DAB1: variants seen among roughly 807,000 people sequenced by gnomAD.
The protein encoded by DAB1 is DAB adaptor protein 1, also known as disabled homolog 1.
DAB1 carries 15 observed loss-of-function variants against 64.6 expected under a neutral mutation model. That is an observed-to-expected ratio of 0.23 (90% confidence interval 0.16 to 0.36). DAB1 has a LOEUF of 0.36. DAB1 is among the 10% of genes least tolerant of loss of function. The pLI is 1.00. For missense variants in DAB1, 596 were observed against 706.7 expected (o/e 0.84, Z 1.78); for synonymous variants, 235 against 251.9 (o/e 0.93, Z 0.64).
chr1:58,196,842 GA>G (rs972024414), intron 4 of DAB1, among the ~76,000 whole-genome samples: 1 of 152,136 alleles, frequency 6.6e-6, no homozygotes, highest in Non-Finnish European at 1.5e-5. Flanking sequence ...TACAATTTGC[GA>G]TGAGATTTGG....
At chr1:57,144,135 A>G (rs919572953) in intron 3 of DAB1, among the ~76,000 whole-genome samples, 24 of 151,908 alleles carry the variant, frequency 1.6e-4, no homozygotes, top group Non-Finnish European at 3.2e-4. Flanking sequence ...GGGATTGTGG[A>G]TTATTTCAGT....
Position 56,996,630 on chromosome 1 carries a change from C to T in DAB1, c.*1514G>A, listed in dbSNP as rs571873559. On this transcript the variant is annotated 3_prime_UTR_variant, in exon 15 of 15. Transcript: ENST00000371236. ...TGAATTGTCTTTTTCTTGTGTTGCA[C>T]GTAGGGTGGGGACTCTCGTGGAAAG... 4.6e-5 allele frequency: 7 copies of T among 152,414 alleles called. No individual in the cohort carries two copies. Among genetic ancestry groups the T allele is most frequent in the South Asian group, 2.1e-4 (1 of 4,814 alleles). 9.4% of individuals were successfully genotyped at this position (152,414 alleles called of 1,614,324 possible).
At chr1:57,991,680 C>T (rs893475191) in intron 5 of DAB1, among the ~76,000 whole-genome samples, 9 of 151,522 alleles carry the variant, frequency 5.9e-5, no homozygotes, top group South Asian at 2.1e-4. Flanking sequence ...ACCCCATCTC[C>T]GCTAAAAATA....
Position 58,207,599 on chromosome 1 carries a change from G to C in DAB1, n.310-57011C>G, listed in dbSNP as rs557044742. On this transcript the variant is annotated intron_variant and non_coding_transcript_variant, in intron 4 of 20. Coordinates refer to the DAB1 transcript ENST00000485760. ...ATCCTGGTTTACCTGTGACTGTCCT[G>C]GTTTTAATACTGGAAGCCCCACATT... 2.6e-5 allele frequency among the ~76,000 whole-genome samples: 4 copies of C among 152,262 alleles called. 1 individual carries two copies. Among genetic ancestry groups the C allele is most frequent in the African/African-American group, 9.6e-5 (4 of 41,560 alleles).
intron 4 of DAB1, among the ~76,000 whole-genome samples, chr1:57,091,980 C>T (rs554579055): frequency 6.6e-6 from 1 of 152,330 alleles, no homozygotes; most frequent in Admixed American, 6.5e-5. Flanking sequence ...GTCTGTCTGA[C>T]TCTTTCAGAT....
intron 4 of DAB1, among the ~76,000 whole-genome samples, chr1:57,107,554 A>T (rs903295146): frequency 9.2e-5 from 14 of 152,148 alleles, no homozygotes; most frequent in African/African-American, 3.1e-4. Context: ...ACACAGTGTG[A>T]TACGTGCCGT....
At chr1:58,496,169 C>CTTTTTTTTTTTTTTTTT (rs375006213) in intron 3 of DAB1, among the ~76,000 whole-genome samples, 2 of 144,970 alleles carry the variant, frequency 1.4e-5, no homozygotes, top group East Asian at 4.3e-4. Context: ...TTTTTTTAGA[C>CTTTTTTTTTTTTTTTTT]TTTTTTTTTT....
chr1:58,492,602 G>C (rs1436303635), intron 3 of DAB1, among the ~76,000 whole-genome samples: 1 of 152,132 alleles, frequency 6.6e-6, no homozygotes, highest in Non-Finnish European at 1.5e-5. Context: ...CGATCCCACA[G>C]AAATACAAAC....
chr1:57,413,743 CA>C (rs58388088), intron 1 of DAB1, among the ~76,000 whole-genome samples: 9,249 of 64,134 alleles, frequency 0.14, 491 homozygotes, highest in African/African-American at 0.3. Flanking sequence ...GACTCTGTCT[CA>C]AAAAAAAAAA....
chr1:57,251,523 A>G (rs1669338910), intron 2 of DAB1, among the ~76,000 whole-genome samples: 1 of 152,208 alleles, frequency 6.6e-6, no homozygotes. Flanking sequence ...TATATAGCCA[A>G]TCACCTCGAG....
At chr1:57,324,051 CAGA>C (rs1468043449) in intron 1 of DAB1, among the ~76,000 whole-genome samples, 1 of 152,170 alleles carries the variant, frequency 6.6e-6, no homozygotes, top group African/African-American at 2.4e-5. Flanking sequence ...AGCTAAGATA[CAGA>C]AAACTCAGCC....
At chr1:58,074,539 TATATAC>T (rs1209833380) in intron 5 of DAB1, 16 of 106,568 alleles carry the variant, frequency 1.5e-4, no homozygotes, top group Non-Finnish European at 5.5e-5. Flanking sequence ...TATATATATA[TATATAC>T]ACACATATAT....
intron 6 of DAB1, among the ~76,000 whole-genome samples, chr1:57,775,056 G>T (rs12145785): frequency 0.19 from 28,547 of 151,442 alleles, 3,145 homozygotes; most frequent in Admixed American, 0.29. Flanking sequence ...TTGGCATAAA[G>T]GTATTCATAA....
chr1:57,004,467 G>A (rs778674320), intron 14 of DAB1, among the ~76,000 whole-genome samples: 1 of 152,234 alleles, frequency 6.6e-6, no homozygotes. Context: ...TCGATGGTGC[G>A]CCATGCAATC....
chr1:57,453,511 G>A (rs1486710553), intron 7 of DAB1, among the ~76,000 whole-genome samples: 1 of 152,154 alleles, frequency 6.6e-6, no homozygotes, highest in Non-Finnish European at 1.5e-5. Context: ...ATGCAATTCT[G>A]TAGGTTTGCC....
chr1:57,785,878 CT>C (rs1480126896), intron 6 of DAB1, among the ~76,000 whole-genome samples: 1 of 152,176 alleles, frequency 6.6e-6, no homozygotes, highest in Non-Finnish European at 1.5e-5. Flanking sequence ...GAAAGAAGTT[CT>C]GCGGATAAAA....
chr1:57,874,326 C>T (rs1389789403), intron 1 of DAB1: 3 of 152,212 alleles, frequency 2.0e-5, no homozygotes, highest in Non-Finnish European at 4.4e-5. Flanking sequence ...TTTAAATCAG[C>T]TGTGGCTTCC....
chr1:57,072,175 A>G, intron 5 of DAB1, 108 bp downstream of exon 5: 1 of 1,245,742 alleles, frequency 8.0e-7, no homozygotes, highest in South Asian at 1.4e-5. Context: ...CAGTGGAAAT[A>G]CATTGCTTGG....
At chr1:57,168,928 G>A (rs746356203) in intron 2 of DAB1, among the ~76,000 whole-genome samples, 2 of 152,034 alleles carry the variant, frequency 1.3e-5, no homozygotes, top group African/African-American at 2.4e-5. Context: ...ATGGTGGCAT[G>A]TGCCATAGTC....
Sources: gnomAD v4.1 joint callset for allele counts (sites outside exome capture counted in the v4.1 genomes callset) on GRCh38, gnomAD v4.1.1 for gene constraint, MANE v1.5 for transcripts, NCBI Gene and HGNC (gene_info 2026-07-23, HGNC 2026-07-21) for gene names.